The following PTPN3 variants were observed in gnomAD, a reference collection of about 807,000 sequenced individuals.
PTPN3 encodes protein tyrosine phosphatase non-receptor type 3.
PTPN3 carries 96 observed loss-of-function variants against 132.7 expected under a neutral mutation model. That is an observed-to-expected ratio of 0.72 (90% confidence interval 0.61 to 0.86). The LOEUF is 0.86. Among genes scored for constraint, PTPN3 ranks in the 40% least tolerant of loss-of-function variants. The probability of loss-of-function intolerance (pLI) is 0.00; values close to 1 mark genes in which losing one functional copy is unlikely to be tolerated. For missense variants in PTPN3, 1,125 were observed against 1,159.6 expected (o/e 0.97, Z 0.43); for synonymous variants, 398 against 429.0 (o/e 0.93, Z 0.89).
intron 1 of PTPN3, among the ~76,000 whole-genome samples, chr9:109,477,614 T>C (rs1163889565): frequency 6.6e-6 from 1 of 152,236 alleles, no homozygotes; most frequent in African/African-American, 2.4e-5. Context: ...ACATGATGTC[T>C]AAAGGCCCTT....
chr9:109,491,589 C>T lies in PTPN3; in HGVS notation c.-18+6630G>A, dbSNP rs181602880. Among the ~76,000 whole-genome samples the T allele has an allele frequency of 5.3e-5, 8 of 152,134 alleles. No individual in the cohort carries two copies. The East Asian group carries it at 1.2e-3, about 22-fold the overall frequency. The stretch of plus-strand genomic sequence containing the variant: ...GCCTTCACACAGCTTACAGTGTAGC[C>T]GGGAGACAGGTACTAATACAAATAA... On this transcript the variant is annotated intron_variant, in intron 1 of 25. Transcript: ENST00000374541.
intron 6 of PTPN3, 131 bp downstream of exon 6, chr9:109,448,680 T>A: frequency 2.3e-6 from 2 of 877,054 alleles, no homozygotes; most frequent in Non-Finnish European, 3.6e-6. Context: ...CAAAGCCTAA[T>A]GCTGTACAGG....
intron 22 of PTPN3, among the ~76,000 whole-genome samples, chr9:109,384,818 T>A (rs1459398622): frequency 6.6e-6 from 1 of 152,254 alleles, no homozygotes; most frequent in Non-Finnish European, 1.5e-5. Flanking sequence ...AATGTCACAG[T>A]GAATACTTGA....
intron 4 of PTPN3, among the ~76,000 whole-genome samples, chr9:109,456,219 A>G (rs2132027123): frequency 6.6e-6 from 1 of 152,144 alleles, no homozygotes; most frequent in Middle Eastern, 3.4e-3. Flanking sequence ...GCCCTTCTCC[A>G]CTCCGCCATG....
chr9:109,449,675 T>C (rs1251047014), intron 5 of PTPN3: 2 of 985,332 alleles, frequency 2.0e-6, no homozygotes, highest in African/African-American at 3.5e-5. Flanking sequence ...GCTCCCATGC[T>C]TTTTTAAACC....
intron 5 of PTPN3, chr9:109,450,253 T>C (rs1291957943): frequency 2.0e-6 from 2 of 985,288 alleles, no homozygotes; most frequent in Non-Finnish European, 2.4e-6. Flanking sequence ...CTATTTGGTA[T>C]TGGAATCTCC....
At chr9:109,409,459 T>C (rs1329978973) in intron 16 of PTPN3, among the ~76,000 whole-genome samples, 1 of 152,178 alleles carries the variant, frequency 6.6e-6, no homozygotes, top group Non-Finnish European at 1.5e-5. Flanking sequence ...GCTATGAATC[T>C]AGTGGATAGC....
Position 109,382,296 on chromosome 9 carries a change from C to A in PTPN3, c.2528+6G>T, listed in dbSNP as rs964273772. On this transcript the variant is annotated splice_donor_region_variant and intron_variant, in intron 24 of 25. Transcript: ENST00000374541. The stretch of plus-strand genomic sequence containing the variant: ...TCCAAACCTAACAAAACAGCAAGCG[C>A]CATACCTGCAGTGAACTAGGACGGG... The A allele has an allele frequency of 6.2e-7, 1 of 1,613,634 alleles. No individual in the cohort carries two copies. Among genetic ancestry groups the A allele is most frequent in the Non-Finnish European group, 8.5e-7 (1 of 1,179,724 alleles).
chr9:109,526,177 C>T, the PTPN3 span, among the ~76,000 whole-genome samples: 2 of 152,070 alleles, frequency 1.3e-5, no homozygotes, highest in African/African-American at 4.8e-5. Flanking sequence ...AAGACCAGTA[C>T]ACTGACAACC....
intron 1 of PTPN3, among the ~76,000 whole-genome samples, chr9:109,465,464 C>T (rs1285666572): frequency 6.6e-6 from 1 of 152,080 alleles, no homozygotes; most frequent in Non-Finnish European, 1.5e-5. Context: ...AATCCCAGCA[C>T]TTTGGGAGGC....
chr9:109,399,520 G>T (rs1277180426), intron 19 of PTPN3, among the ~76,000 whole-genome samples: 1 of 152,080 alleles, frequency 6.6e-6, no homozygotes, highest in African/African-American at 2.4e-5. Context: ...CACTTGCTAG[G>T]TTCCAAAGTG....
intron 17 of PTPN3, among the ~76,000 whole-genome samples, chr9:109,407,353 G>C (rs976237841): frequency 6.6e-6 from 1 of 151,960 alleles, no homozygotes; most frequent in Admixed American, 6.6e-5. Context: ...TTCCAGCCTG[G>C]GTGACAGAGC....
At chr9:109,439,015 C>T (rs1283610746) in intron 7 of PTPN3, among the ~76,000 whole-genome samples, 2 of 152,202 alleles carry the variant, frequency 1.3e-5, no homozygotes, top group African/African-American at 4.8e-5. Context: ...AATGGTACTG[C>T]TCCCTTGAGA....
At chr9:109,535,095 G>A in the PTPN3 span, among the ~76,000 whole-genome samples, 11 of 152,174 alleles carry the variant, frequency 7.2e-5, no homozygotes, top group Non-Finnish European at 1.5e-5. Flanking sequence ...TAGGATGTGC[G>A]AAAAGATGGG....
intron 19 of PTPN3, among the ~76,000 whole-genome samples, chr9:109,392,089 C>T (rs1374875796): frequency 6.6e-6 from 1 of 152,188 alleles, no homozygotes; most frequent in African/African-American, 2.4e-5. Context: ...CATGTAATCA[C>T]TACGAAAAAT....
At chr9:109,394,968 T>G (rs1020463102) in intron 19 of PTPN3, among the ~76,000 whole-genome samples, 1 of 151,524 alleles carries the variant, frequency 6.6e-6, no homozygotes, top group African/African-American at 2.4e-5. Flanking sequence ...TGAAACCCCG[T>G]CTCTACTAAA....
At chr9:109,390,421 A>G (rs985474657) in intron 21 of PTPN3, among the ~76,000 whole-genome samples, 7 of 152,326 alleles carry the variant, frequency 4.6e-5, no homozygotes, top group Middle Eastern at 3.4e-3. Flanking sequence ...TCAAATGCAA[A>G]GATCACATAT....
chr9:109,501,739 C>A (rs898732832), upstream of PTPN3, among the ~76,000 whole-genome samples: 1 of 152,220 alleles, frequency 6.6e-6, no homozygotes, highest in Non-Finnish European at 1.5e-5. Context: ...TACTCAGTCC[C>A]AGATCGACTG....
the PTPN3 span, among the ~76,000 whole-genome samples, chr9:109,535,598 C>T: frequency 2.0e-3 from 304 of 152,168 alleles, 1 homozygote; most frequent in African/African-American, 6.7e-3. Flanking sequence ...GTCTCCGCCT[C>T]CAGGTTCAAG....
Sources: gnomAD v4.1 joint callset for allele counts (sites outside exome capture counted in the v4.1 genomes callset) on GRCh38, gnomAD v4.1.1 for gene constraint, MANE v1.5 for transcripts, NCBI Gene and HGNC (gene_info 2026-07-23, HGNC 2026-07-21) for gene names.